The following SESTD1 variants were observed in gnomAD, a reference collection of about 807,000 sequenced individuals.
SESTD1 encodes the protein SEC14 and spectrin domain containing 1.
In SESTD1, 43 loss-of-function variants were observed where a neutral mutation model predicts 101.7. That is an observed-to-expected ratio of 0.42 (90% confidence interval 0.33 to 0.55). The LOEUF (loss-of-function observed/expected upper bound fraction) is 0.55. Ranked by LOEUF, SESTD1 falls within the 20% of genes least tolerant of loss-of-function variation. SESTD1 has a pLI of 0.07. For synonymous variants in SESTD1, 283 were observed against 286.8 expected (o/e 0.99, Z 0.13); for missense variants, 647 against 815.1 (o/e 0.79, Z 2.51).
chr2:179,238,220 A>C (rs2047097581), intron 1 of SESTD1, among the ~76,000 whole-genome samples: 1 of 152,168 alleles, frequency 6.6e-6, no homozygotes, highest in Non-Finnish European at 1.5e-5. Context: ...GTGGAGGAAG[A>C]GGATAGGTTG....
At chr2:179,135,207 T>C (rs1331597266) in intron 9 of SESTD1, among the ~76,000 whole-genome samples, 1 of 152,142 alleles carries the variant, frequency 6.6e-6, no homozygotes, top group African/African-American at 2.4e-5. Flanking sequence ...CCTCCCAAAG[T>C]GCTGGGATTA....
At chr2:179,153,521 T>TA (rs1461440582) in intron 5 of SESTD1, among the ~76,000 whole-genome samples, 4 of 152,150 alleles carry the variant, frequency 2.6e-5, no homozygotes, top group African/African-American at 9.7e-5. Context: ...CACACACACT[T>TA]ATATGTATGT....
At chr2:179,140,471 G>C (rs1575437312) in intron 9 of SESTD1, among the ~76,000 whole-genome samples, 2 of 152,158 alleles carry the variant, frequency 1.3e-5, no homozygotes, top group Non-Finnish European at 2.9e-5. Context: ...GGCTGGAACA[G>C]AGCATTCCCT....
chr2:179,208,876 C>T (rs1480010032), intron 1 of SESTD1, among the ~76,000 whole-genome samples: 1 of 134,608 alleles, frequency 7.4e-6, no homozygotes, highest in Non-Finnish European at 1.6e-5. Flanking sequence ...CACATCTCAA[C>T]ACTAATGTTG....
At chr2:179,164,534 T>C (rs2045800417) in intron 5 of SESTD1, among the ~76,000 whole-genome samples, 1 of 152,172 alleles carries the variant, frequency 6.6e-6, no homozygotes, top group Non-Finnish European at 1.5e-5. Context: ...AAACCTATCA[T>C]AGTCACCAGG....
intron 5 of SESTD1, among the ~76,000 whole-genome samples, chr2:179,155,333 A>T (rs976823790): frequency 2.0e-5 from 3 of 152,156 alleles, no homozygotes; most frequent in African/African-American, 7.2e-5. Context: ...TATTAATAAG[A>T]TATATAACTA....
chr2:179,237,875 C>G (rs1264388080), intron 1 of SESTD1, among the ~76,000 whole-genome samples: 2 of 152,008 alleles, frequency 1.3e-5, no homozygotes, highest in Non-Finnish European at 2.9e-5. Flanking sequence ...GGAAATGAAA[C>G]TGTAAGTATT....
intron 1 of SESTD1, among the ~76,000 whole-genome samples, chr2:179,217,618 A>G (rs2046744040): frequency 6.6e-6 from 1 of 151,972 alleles, no homozygotes; most frequent in African/African-American, 2.4e-5. Context: ...CCGTGATCCT[A>G]TTATATCCTG....
At chr2:179,217,681 G>A (rs928370598) in intron 1 of SESTD1, among the ~76,000 whole-genome samples, 3 of 152,202 alleles carry the variant, frequency 2.0e-5, no homozygotes, top group East Asian at 1.9e-4. Flanking sequence ...ACATGCACAC[G>A]TATGTTTACT....
At chr2:179,189,826 G>C (rs1290405456) in intron 2 of SESTD1, among the ~76,000 whole-genome samples, 1 of 151,808 alleles carries the variant, frequency 6.6e-6, no homozygotes, top group African/African-American at 2.4e-5. Context: ...ATTTATAATG[G>C]CCATAAAAAA....
intron 9 of SESTD1, among the ~76,000 whole-genome samples, chr2:179,141,027 T>G (rs1467628480): frequency 1.3e-5 from 2 of 152,180 alleles, no homozygotes; most frequent in Admixed American, 6.5e-5. Context: ...CTCTCAACTT[T>G]CTCTTCGGAC....
chr2:179,182,340 A>G (rs2046128742), intron 3 of SESTD1, among the ~76,000 whole-genome samples: 1 of 152,134 alleles, frequency 6.6e-6, no homozygotes, highest in Non-Finnish European at 1.5e-5. Context: ...GCACATTAGA[A>G]ATACACAGGA....
At chr2:179,123,971 T>G in intron 11 of SESTD1, 142 bp from the exon 12 acceptor site, 3 of 616,842 alleles carry the variant, frequency 4.9e-6, no homozygotes, top group East Asian at 2.8e-5. Flanking sequence ...GACGAATCAT[T>G]AGAATATGCA....
At chr2:179,254,474 C>T (rs1463717839) in intron 1 of SESTD1, among the ~76,000 whole-genome samples, 1 of 152,222 alleles carries the variant, frequency 6.6e-6, no homozygotes, top group Non-Finnish European at 1.5e-5. Flanking sequence ...TTAAAAGCCA[C>T]CCACCTATGT....
intron 5 of SESTD1, among the ~76,000 whole-genome samples, chr2:179,157,108 C>G (rs1422003064): frequency 2.0e-5 from 3 of 151,974 alleles, no homozygotes; most frequent in Non-Finnish European, 4.4e-5. Flanking sequence ...TTTTTGTTTG[C>G]TACCCCTTTT....
At position 179,116,797 on chromosome 2, in the gene SESTD1, A is replaced by G. The variant is rs1328282882; in HGVS notation, c.1525-7T>C. ...CACTTAGCCATTCTACTGCCTAAAC[A>G]AAAAGACATAACAATGAAGCTGGAT... On this transcript the variant is annotated splice_region_variant and splice_polypyrimidine_tract_variant and intron_variant, in intron 14 of 17. Transcript: ENST00000428443. 6.2e-7 allele frequency: 1 copy of G among 1,611,712 alleles called. No homozygotes were observed. Among genetic ancestry groups the G allele is most frequent in the African/African-American group, 1.3e-5 (1 of 74,876 alleles).
intron 1 of SESTD1, among the ~76,000 whole-genome samples, chr2:179,229,749 T>TTTATATATATATATA (rs1491118463): frequency 1.9e-5 from 2 of 106,362 alleles, no homozygotes; most frequent in African/African-American, 3.3e-5. Context: ...TTGTAAGAAC[T>TTTATATATATATATA]TATATATATA....
intron 1 of SESTD1, among the ~76,000 whole-genome samples, chr2:179,259,397 T>A (rs2047448355): frequency 1.3e-5 from 2 of 152,042 alleles, no homozygotes; most frequent in Non-Finnish European, 2.9e-5. Context: ...ACCCGACTAA[T>A]TTTTGTATTT....
In SESTD1 at chr2:179,116,713, C is replaced by G; in HGVS notation, c.1602G>C (p.Thr534=). ...TTCTATGCTTTTCCAGCAAAACTTT[C>G]GTTTCTTGAGCATCATCGCCCAATC... is the stretch of plus-strand genomic sequence containing the variant. ...HIRLGDDAQE[T]KVLLEKHRKF... The change falls in exon 15 of 18, where the codon ACG becomes ACC. Residue 534 remains threonine (T), a synonymous_variant. Coordinates refer to ENST00000428443, the MANE Select transcript of SESTD1 (RefSeq NM_178123.5). 5 of 1,614,096 alleles carry G rather than the reference C, an allele frequency of 3.1e-6. No homozygotes were observed. Among genetic ancestry groups the G allele is most frequent in the Non-Finnish European group, 4.2e-6 (5 of 1,180,000 alleles).
Sources: gnomAD v4.1 joint callset for allele counts (sites outside exome capture counted in the v4.1 genomes callset) on GRCh38, gnomAD v4.1.1 for gene constraint, MANE v1.5 for transcripts, NCBI Gene and HGNC (gene_info 2026-07-23, HGNC 2026-07-21) for gene names.